Variants in AZIN2 observed in about 807,000 individuals in gnomAD.
AZIN2 encodes the protein ODC antizyme inhibitor-2.
In AZIN2, 28 loss-of-function variants were observed where a neutral mutation model predicts 47.8. That is an observed-to-expected ratio of 0.59 (90% CI 0.43 to 0.80). The LOEUF (loss-of-function observed/expected upper bound fraction) is 0.80. Ranked by LOEUF, AZIN2 falls within the 30% of genes least tolerant of loss-of-function variation. The pLI is 0.00. For missense variants in AZIN2, 535 were observed against 582.5 expected (o/e 0.92, Z 0.84); for synonymous variants, 221 against 239.4 (o/e 0.92, Z 0.71).
chr1:33,086,269 C>T (rs1041315303), intron 5 of AZIN2, among the ~76,000 whole-genome samples: 5 of 152,056 alleles, frequency 3.3e-5, no homozygotes, highest in Non-Finnish European at 5.9e-5. Context: ...ACACATTTAA[C>T]GTATAAGGAA....
At chr1:33,153,354 C>T in the AZIN2 span, among the ~76,000 whole-genome samples, 7 of 152,196 alleles carry the variant, frequency 4.6e-5, no homozygotes, top group African/African-American at 1.7e-4. Context: ...TCTGTTCCTC[C>T]CTCAGCTCCT....
At chr1:33,164,444 G>C in the AZIN2 span, 1 of 152,342 alleles carries the variant, frequency 6.6e-6, no homozygotes, top group Non-Finnish European at 1.5e-5. Context: ...TCCAGTCCCA[G>C]AGTGCTGGAC....
chr1:33,097,414 A>G (rs1226580453), intron 9 of AZIN2, among the ~76,000 whole-genome samples: 1 of 152,204 alleles, frequency 6.6e-6, no homozygotes, highest in Non-Finnish European at 1.5e-5. Flanking sequence ...AGGCTGACTC[A>G]GCGCTTCTGG....
rs1569836639 is a variant in AZIN2 at position 33,081,996 on chromosome 1, C to T, written c.-72-182C>T. On this transcript the variant is annotated intron_variant, in intron 3 of 11. Coordinates refer to ENST00000294517, the MANE Select transcript of AZIN2 (RefSeq NM_052998.4). This position sits in a 1 kb window ranked among gnomAD's most constrained non-coding sequence, Gnocchi z 4.2. The stretch of plus-strand genomic sequence containing the variant: ...ACTCGGAGAGGCAGTGACATTTGGG[C>T]ATACGGTGCCTTGTCTCCGTCTGAA... The T allele has an allele frequency of 2.0e-6, 1 of 512,228 alleles. No homozygotes were observed. 31.7% of individuals were successfully genotyped at this position (512,228 alleles called of 1,614,324 possible).
At chr1:33,151,420 C>T in the AZIN2 span, among the ~76,000 whole-genome samples, 1 of 152,102 alleles carries the variant, frequency 6.6e-6, no homozygotes, top group Non-Finnish European at 1.5e-5. Flanking sequence ...AGGCCTTGCA[C>T]GAATCATTAA....
the AZIN2 span, among the ~76,000 whole-genome samples, chr1:33,155,792 C>T: frequency 2.0e-5 from 3 of 152,186 alleles, no homozygotes; most frequent in Non-Finnish European, 4.4e-5. Context: ...TTCTCTGCTG[C>T]CAGTCAGTTT....
chr1:33,151,735 A>C, the AZIN2 span, among the ~76,000 whole-genome samples: 1 of 152,226 alleles, frequency 6.6e-6, no homozygotes, highest in African/African-American at 2.4e-5. Context: ...CATTCATTTA[A>C]GCATCTCTGA....
At chr1:33,148,231 G>A in the AZIN2 span, among the ~76,000 whole-genome samples, 1 of 152,142 alleles carries the variant, frequency 6.6e-6, no homozygotes, top group Non-Finnish European at 1.5e-5. Flanking sequence ...CACCTTCCCC[G>A]ACTCCCAGTG....
the AZIN2 span, among the ~76,000 whole-genome samples, chr1:33,129,984 C>T: frequency 1.3e-5 from 2 of 152,058 alleles, no homozygotes; most frequent in Admixed American, 1.3e-4. This position sits in a 1 kb window ranked among gnomAD's most constrained non-coding sequence, Gnocchi z 4.1. Flanking sequence ...CTCAGCCTCC[C>T]GAGTAGTTGG....
At chr1:33,159,016 T>G in the AZIN2 span, among the ~76,000 whole-genome samples, 1 of 150,570 alleles carries the variant, frequency 6.6e-6, no homozygotes, top group Admixed American at 6.6e-5. The surrounding 1 kb of genome is among the most constrained non-coding windows in gnomAD (Gnocchi z 4.2). Context: ...AATTTTTGTA[T>G]TTTTTTTTAG....
chr1:33,165,824 C>T, the AZIN2 span: 1 of 326,366 alleles, frequency 3.1e-6, no homozygotes, highest in Non-Finnish European at 5.6e-6. This position sits in a 1 kb window ranked among gnomAD's most constrained non-coding sequence, Gnocchi z 4.0. Context: ...CTGTGACAAT[C>T]GACTTCCACA....
Position 33,121,748 on chromosome 1 carries a change from C to T in AZIN2, c.*1566C>T, listed in dbSNP as rs1644799495. On this transcript the variant is annotated 3_prime_UTR_variant, in exon 12 of 12. Transcript: ENST00000294517. ...TCTACCTTCCATCTCTATGGATTTG[C>T]TTATTCTGGACATTGTATTGTGATG... is the stretch of plus-strand genomic sequence containing the variant. 2.0e-5 allele frequency among the ~76,000 whole-genome samples: 3 copies of T among 152,174 alleles called. No individual in the cohort carries two copies. The highest frequency in any genetic ancestry group is 7.2e-5 in the African/African-American group (3 of 41,436).
chr1:33,162,317 C>A, the AZIN2 span, among the ~76,000 whole-genome samples: 196 of 152,344 alleles, frequency 1.3e-3, 1 homozygote, highest in African/African-American at 4.6e-3. Flanking sequence ...TACCCAAACC[C>A]TGTATTCAAC....
At chr1:33,102,458 T>C (rs576455055) in intron 10 of AZIN2, among the ~76,000 whole-genome samples, 24 of 152,296 alleles carry the variant, frequency 1.6e-4, no homozygotes, top group African/African-American at 5.8e-4. Flanking sequence ...GAAGATGCTC[T>C]TGAAAGTCAC....
chr1:33,158,342 T>C, the AZIN2 span: 6 of 1,613,666 alleles, frequency 3.7e-6, no homozygotes, highest in Admixed American at 1.7e-5. Context: ...ATATGTGAGG[T>C]TGGTCTCATG....
intron 10 of AZIN2, among the ~76,000 whole-genome samples, chr1:33,114,241 C>A (rs1644415985): frequency 6.6e-6 from 1 of 151,704 alleles, no homozygotes; most frequent in Non-Finnish European, 1.5e-5. Context: ...GTGTCAGCCT[C>A]CTGAGTAGCT....
At chr1:33,103,173 A>G (rs1643836123) in intron 10 of AZIN2, among the ~76,000 whole-genome samples, 2 of 152,074 alleles carry the variant, frequency 1.3e-5, no homozygotes, top group African/African-American at 4.8e-5. Context: ...ATGATCTTTT[A>G]AAATCCCAAA....
chr1:33,160,996 C>CAA, the AZIN2 span, among the ~76,000 whole-genome samples: 5 of 152,234 alleles, frequency 3.3e-5, no homozygotes, highest in African/African-American at 1.2e-4. Context: ...TGGTGCCTGA[C>CAA]AGTCTGCGTA....
Position 33,120,302 on chromosome 1 carries a change from C to A in AZIN2, c.*120C>A. On this transcript the variant is annotated 3_prime_UTR_variant, in exon 12 of 12. Coordinates refer to ENST00000294517, the MANE Select transcript of AZIN2 (RefSeq NM_052998.4). ...GACTCTGGTGCCCACCCTGCCACCC[C>A]CGCGCTCCACCTGCAGTGTTTCTGC... is the stretch of plus-strand genomic sequence containing the variant. 1.5e-6 allele frequency: 2 copies of A among 1,364,380 alleles called. No homozygotes were observed. The highest frequency in any genetic ancestry group is 2.3e-5 in the East Asian group (1 of 42,640). The allele number at this position is 1,364,380 out of a possible 1,614,324, so 84.5% of individuals were successfully genotyped here. A position where few individuals can be genotyped will look rare whatever the true frequency, so the allele number is the denominator to read the frequency against.
Sources: gnomAD v4.1 joint callset for allele counts (sites outside exome capture counted in the v4.1 genomes callset) on GRCh38, gnomAD v4.1.1 for gene constraint, Gnocchi (gnomAD v3.1) non-coding constraint, MANE v1.5 for transcripts, NCBI Gene and HGNC (gene_info 2026-07-23, HGNC 2026-07-21) for gene names.